MCPH1: variants seen among roughly 807,000 people sequenced by gnomAD.
MCPH1 encodes the protein microcephalin 1, also known as microcephalin.
In MCPH1, 104 loss-of-function variants were observed where a neutral mutation model predicts 84.5. That is an observed-to-expected ratio of 1.23 (90% CI 1.05 to 1.45). The LOEUF (loss-of-function observed/expected upper bound fraction) is 1.45, where lower values mean the gene tolerates loss of function less well. MCPH1 is among the 40% of genes most tolerant of loss of function. MCPH1 has a pLI of 0.00. For missense variants in MCPH1, 1,498 were observed against 1,005.7 expected (o/e 1.49, Z -6.62); for synonymous variants, 514 against 366.8 (o/e 1.40, Z -4.58).
intron 9 of MCPH1, among the ~76,000 whole-genome samples, chr8:6,467,679 T>C (rs1007131978): frequency 6.6e-6 from 1 of 152,216 alleles, no homozygotes; most frequent in African/African-American, 2.4e-5. Context: ...CACTGCAGCC[T>C]TGATTGCCTG....
chr8:6,475,233 C>A (rs938632963), intron 9 of MCPH1, among the ~76,000 whole-genome samples: 2 of 152,216 alleles, frequency 1.3e-5, no homozygotes, highest in African/African-American at 4.8e-5. Flanking sequence ...AGCTAATGAC[C>A]CTGCCCTAAC....
chr8:6,579,674 G>T (rs1384238217), intron 12 of MCPH1, among the ~76,000 whole-genome samples: 1 of 152,092 alleles, frequency 6.6e-6, no homozygotes, highest in Non-Finnish European at 1.5e-5. Flanking sequence ...ACACCAAGTG[G>T]TTTGCATATT....
intron 12 of MCPH1, among the ~76,000 whole-genome samples, chr8:6,585,939 C>G (rs540753965): frequency 1.3e-5 from 2 of 152,296 alleles, no homozygotes; most frequent in East Asian, 3.9e-4. Flanking sequence ...AGAAGTTTTT[C>G]TGAAAGCAAG....
At chr8:6,511,990 C>A (rs912384391) in intron 12 of MCPH1, among the ~76,000 whole-genome samples, 1 of 151,502 alleles carries the variant, frequency 6.6e-6, no homozygotes, top group African/African-American at 2.4e-5. Context: ...ACTGACCAAC[C>A]ACTTGTGTCT....
chr8:6,623,957 T>C (rs1351194138), intron 13 of MCPH1, among the ~76,000 whole-genome samples: 1 of 152,168 alleles, frequency 6.6e-6, no homozygotes, highest in Non-Finnish European at 1.5e-5. Context: ...CAACAGGCAG[T>C]CTTTTTGGAG....
chr8:6,449,153 T>C (rs1804771820), intron 8 of MCPH1, among the ~76,000 whole-genome samples: 2 of 152,212 alleles, frequency 1.3e-5, no homozygotes, highest in Admixed American at 6.5e-5. Context: ...ATACTGCTGA[T>C]TCGATGTCAG....
At chr8:6,428,258 A>G (rs960264696) in intron 3 of MCPH1, among the ~76,000 whole-genome samples, 8 of 65,910 alleles carry the variant, frequency 1.2e-4, no homozygotes, top group African/African-American at 2.3e-4. Context: ...TTTACTTTTA[A>G]ACTTAAAAAA....
chr8:6,643,381 C>G lies in MCPH1; in HGVS notation c.*332C>G. On this transcript the variant is annotated 3_prime_UTR_variant, in exon 14 of 14. Coordinates refer to ENST00000344683, the MANE Select transcript of MCPH1 (RefSeq NM_024596.5). ...CCAGGTTCAAGCGATTCTGCTGCCT[C>G]AGCCTCCTGAGTAGCTGGGATTACA... 5.7e-6 allele frequency: 2 copies of G among 350,786 alleles called. No homozygotes were observed. Among genetic ancestry groups the G allele is most frequent in the South Asian group, 5.3e-5 (2 of 37,478 alleles). The allele number at this position is 350,786 out of a possible 1,614,324, so 21.7% of individuals were successfully genotyped here.
At chr8:6,577,700 C>T (rs1048363745) in intron 12 of MCPH1, among the ~76,000 whole-genome samples, 3 of 152,206 alleles carry the variant, frequency 2.0e-5, no homozygotes, top group African/African-American at 7.2e-5. Context: ...GATGGCTAAG[C>T]ACTACACTGT....
At chr8:6,420,155 C>G (rs921959265) in intron 3 of MCPH1, among the ~76,000 whole-genome samples, 2 of 151,886 alleles carry the variant, frequency 1.3e-5, no homozygotes, top group Non-Finnish European at 2.9e-5. Context: ...GCCATTGGTT[C>G]AAGGGCTGCC....
At chr8:6,467,415 A>G (rs1807119757) in intron 9 of MCPH1, among the ~76,000 whole-genome samples, 3 of 152,310 alleles carry the variant, frequency 2.0e-5, no homozygotes, top group South Asian at 2.1e-4. Context: ...AGTTCTCATC[A>G]TTAAAAGCAG....
At chr8:6,609,134 G>A (rs1207408533) in intron 12 of MCPH1, among the ~76,000 whole-genome samples, 3 of 151,822 alleles carry the variant, frequency 2.0e-5, no homozygotes, top group African/African-American at 7.3e-5. Context: ...ATTTTTTAAG[G>A]ATGAAATCAA....
chr8:6,623,688 C>A (rs796279665), intron 13 of MCPH1, among the ~76,000 whole-genome samples: 32 of 92,424 alleles, frequency 3.5e-4, no homozygotes, highest in African/African-American at 1.0e-3. Flanking sequence ...AACCAACTTC[C>A]AAAAAAAAAA....
At chr8:6,472,872 A>G (rs757839331) in intron 9 of MCPH1, among the ~76,000 whole-genome samples, 2 of 152,244 alleles carry the variant, frequency 1.3e-5, no homozygotes, top group Admixed American at 1.3e-4. Flanking sequence ...CAATAGGATC[A>G]TGTAACTTAG....
chr8:6,584,280 G>A (rs891473985), intron 12 of MCPH1, among the ~76,000 whole-genome samples: 1 of 152,198 alleles, frequency 6.6e-6, no homozygotes, highest in East Asian at 1.9e-4. Flanking sequence ...CGTCTGGGAT[G>A]TGAATTCCTC....
chr8:6,523,466 C>A (rs1354824129), intron 12 of MCPH1, among the ~76,000 whole-genome samples: 2 of 152,162 alleles, frequency 1.3e-5, no homozygotes, highest in Non-Finnish European at 2.9e-5. Context: ...AAAATAGTTC[C>A]TGTCCATTAA....
intron 12 of MCPH1, chr8:6,563,123 G>T: frequency 3.7e-6 from 2 of 541,482 alleles, no homozygotes; most frequent in Non-Finnish European, 6.4e-6. Context: ...CTCCAGGCAT[G>T]CAGTAAACTG....
At chr8:6,605,818 C>T (rs752208272) in intron 12 of MCPH1, among the ~76,000 whole-genome samples, 2 of 152,208 alleles carry the variant, frequency 1.3e-5, no homozygotes, top group Non-Finnish European at 2.9e-5. Flanking sequence ...GTGCCTCAGA[C>T]TCCCAAGTAG....
chr8:6,522,199 CA>C lies in MCPH1; in HGVS notation c.2214+22276del, dbSNP rs1292610737. Among the ~76,000 whole-genome samples, 45 of 151,988 alleles carry C rather than the reference CA, an allele frequency of 3.0e-4. No homozygotes were observed. In the East Asian group the frequency reaches 8.6e-3, roughly 29 times the overall value. On this transcript the variant is annotated intron_variant, in intron 12 of 13. Coordinates refer to ENST00000344683, the MANE Select transcript of MCPH1 (RefSeq NM_024596.5). ...TGAAACCCCGTCTCCACTAAAAATA[CA>C]AAAAATTCTCCAGGCGTGGTGGCGG...
Sources: allele counts gnomAD v4.1 joint callset (sites outside exome capture counted in the v4.1 genomes callset), GRCh38; gene constraint gnomAD v4.1.1; transcripts MANE v1.5; gene names NCBI Gene and HGNC (gene_info 2026-07-23, HGNC 2026-07-21).